ZNF687: variants seen among roughly 807,000 people sequenced by gnomAD.
ZNF687 encodes the protein zinc finger protein 687.
ZNF687 carries 13 observed loss-of-function variants against 71.8 expected under a neutral mutation model. The observed-to-expected ratio is 0.18, with a 90% CI of 0.12 to 0.29. The LOEUF is 0.29. Among genes scored for constraint, ZNF687 ranks in the 10% least tolerant of loss-of-function variants. ZNF687 has a pLI of 1.00. For missense variants in ZNF687, 1,412 were observed against 1,625.6 expected (o/e 0.87, Z 2.26); for synonymous variants, 673 against 641.6 (o/e 1.05, Z -0.74).
chr1:151,289,944 G>A lies in ZNF687; in HGVS notation c.2901G>A (p.Leu967=), dbSNP rs199686732. ...GGCCTGGAGGCTGGACCTGTGGCCTGTGTCACTCCTGGTTCCCTGAGCGTG... is the reference window on the plus strand; with the variant it reads ...GGCCTGGAGGCTGGACCTGTGGCCTATGTCACTCCTGGTTCCCTGAGCGTG... ...GGGPGGWTCG[L]CHSWFPERDE... The change falls in exon 6 of 9, where the codon CTG becomes CTA. Residue 967 remains leucine, a synonymous_variant. Coordinates refer to ENST00000336715, the MANE Select transcript of ZNF687 (RefSeq NM_020832.3). The A allele has an allele frequency of 1.3e-6, 2 of 1,566,424 alleles. No homozygotes were observed. The highest frequency in any genetic ancestry group is 2.3e-5 in the South Asian group (2 of 87,208).
Position 151,286,516 on chromosome 1 carries a change from A to G in ZNF687, c.225A>G (p.Pro75=), listed in dbSNP as rs751129170. Residue 75 remains proline, a synonymous_variant, in exon 2 of 9, where the codon CCA becomes CCG. Transcript: ENST00000336715. ...CCCAGGCCTCTGACCATGGCCTGCC[A>G]CCGCCAGACATTTCTGTAGTCAGTG... ...VPAQASDHGL[P]PPDISVVSVI... 60 of 1,614,042 alleles carry G rather than the reference A, an allele frequency of 3.7e-5. No individual in the cohort carries two copies. In the Admixed American group the frequency reaches 9.7e-4, roughly 26 times the overall value.
Position 151,289,823 on chromosome 1 carries a change from A to C in ZNF687, c.2780A>C (p.Glu927Ala). 6.4e-7 allele frequency: 1 copy of C among 1,569,006 alleles called. No homozygotes were observed. The highest frequency in any genetic ancestry group is 2.4e-5 in the East Asian group (1 of 42,376). ...PATEESSSSS[E>A]EEEVPSSPEP... ...ACTGAGGAGTCGTCTTCATCTTCAGAAGAGGAGGAAGTACCCAGCTCCCCT... is the reference window on the plus strand; with the variant it reads ...ACTGAGGAGTCGTCTTCATCTTCAGCAGAGGAGGAAGTACCCAGCTCCCCT... Residue 927 changes from glutamate (E) to alanine (A), a missense_variant, in exon 6 of 9, where the codon GAA becomes GCA. Coordinates refer to ENST00000336715, the MANE Select transcript of ZNF687 (RefSeq NM_020832.3).
rs1376472800 is a variant in ZNF687, at chr1:151,289,889, G to A, written c.2846G>A (p.Gly949Glu). Reference sequence around the variant, plus strand: ...GCCAAACGGCCTCGGCGGGAACTAGGGAGCAAAGGCCTCAAGGGTGGGGGT... The same window carrying A: ...GCCAAACGGCCTCGGCGGGAACTAGAGAGCAAAGGCCTCAAGGGTGGGGGT... ...RPAKRPRREL[G>E]SKGLKGGGGG... Residue 949 changes from glycine to glutamate, a missense_variant, in exon 6 of 9, where the codon GGG (glycine) becomes GAG (glutamate). This residue lies in a region of ZNF687 where 135 missense variants were observed against 104.1 expected (regional missense o/e 1.30). Transcript: ENST00000336715. 1 of 1,561,630 alleles carries A rather than the reference G, an allele frequency of 6.4e-7. No individual in the cohort carries two copies.
In ZNF687 at chr1:151,290,503, G is replaced by A; in HGVS notation, c.3149G>A (p.Gly1050Asp). The A allele has an allele frequency of 1.2e-6, 2 of 1,613,930 alleles. No individual in the cohort carries two copies. The highest frequency in any genetic ancestry group is 1.7e-6 in the Non-Finnish European group (2 of 1,179,980). ...ILEKHVQVRH[G>D]LQLGAQSPGR... Reference sequence around the variant, plus strand: ...GAGAAACATGTCCAGGTCCGGCACGGCTTGCAGCTTGGGGCCCAGTCCCCT... The same window carrying A: ...GAGAAACATGTCCAGGTCCGGCACGACTTGCAGCTTGGGGCCCAGTCCCCT... The change falls in exon 8 of 9, where the codon GGC becomes GAC. Residue 1050 changes from glycine (G) to aspartate (D), a missense_variant. This residue lies in a region of ZNF687 where 284 missense variants were observed against 359.2 expected (regional missense o/e 0.79). Coordinates refer to ENST00000336715, the MANE Select transcript of ZNF687 (RefSeq NM_020832.3).
Position 151,286,449 on chromosome 1 carries a change from A to G in ZNF687, c.158A>G (p.Asp53Gly). ...CCAGGTGTAGGAAGTGAATCTGAAG[A>G]CACAGCAGCAGCCTCTGCTGGGGAT... ...PEPGVGSESE[D>G]TAAASAGDGP... The change falls in exon 2 of 9, where the codon GAC becomes GGC. Residue 53 changes from aspartate to glycine, a missense_variant. Physicochemically the swap from Asp to Gly is moderately conservative, Grantham distance 94. Around this residue, in one of 8 missense-constraint regions of ZNF687, gnomAD observed 490 missense variants for 489.9 expected, o/e 1.00. Transcript: ENST00000336715. 1 of 1,613,752 alleles carries G rather than the reference A, an allele frequency of 6.2e-7. No homozygotes were observed. Among genetic ancestry groups the G allele is most frequent in the Non-Finnish European group, 8.5e-7 (1 of 1,179,794 alleles).
Position 151,287,715 on chromosome 1 carries a change from C to T in ZNF687, c.1424C>T (p.Pro475Leu). Residue 475 changes from proline to leucine, a missense_variant, in exon 2 of 9, where the codon CCT becomes CTT. By Grantham distance (98) the Pro-to-Leu change is moderately conservative. This residue lies in a region of ZNF687 where 133 missense variants were observed against 155.1 expected (regional missense o/e 0.86). Transcript: ENST00000336715. This position sits in a 1 kb window ranked among gnomAD's most constrained non-coding sequence, Gnocchi z 5.0. Reference sequence around the variant, plus strand: ...GGTGCCTCGGTGGTGATGGTGCAACCTTCAAAGACAGCTACTGGGCCAAGT... The same window carrying T: ...GGTGCCTCGGTGGTGATGGTGCAACTTTCAAAGACAGCTACTGGGCCAAGT... ...VNGASVVMVQPSKTATGPSTG... is the reference protein window; with the variant it reads ...VNGASVVMVQLSKTATGPSTG... The T allele has an allele frequency of 3.1e-6, 5 of 1,613,658 alleles. No homozygotes were observed. Among genetic ancestry groups the T allele is most frequent in the Non-Finnish European group, 4.2e-6 (5 of 1,179,826 alleles).
upstream of ZNF687, chr1:151,282,183 A>G: frequency 8.9e-7 from 1 of 1,120,448 alleles, no homozygotes; most frequent in Non-Finnish European, 1.1e-6. Context: ...CGGGGCTGGA[A>G]GGGGCACAGG....
rs146975201 is a variant in ZNF687 at position 151,287,218 on chromosome 1, C to T, written c.927C>T (p.Ala309=). ...GTCCCCAGAGTCCCTCTAGTGGGGC[C>T]GAGGCTGCAGATGAGGACAGCAATG... ...PGSPQSPSSG[A]EAADEDSNDS... The change falls in exon 2 of 9, where the codon GCC becomes GCT. Residue 309 remains alanine (A), a synonymous_variant. Coordinates refer to ENST00000336715, the MANE Select transcript of ZNF687 (RefSeq NM_020832.3). The surrounding 1 kb of genome is among the most constrained non-coding windows in gnomAD (Gnocchi z 5.0). The T allele has an allele frequency of 4.7e-5, 76 of 1,614,024 alleles. No homozygotes were observed. The African/African-American group carries it at 5.5e-4, about 12-fold the overall frequency.
rs143281246 is a variant in ZNF687 at position 151,288,262 on chromosome 1, C to T, written c.1971C>T (p.Leu657=). The T allele has an allele frequency of 1.2e-6, 2 of 1,613,622 alleles. No individual in the cohort carries two copies. The highest frequency in any genetic ancestry group is 1.7e-6 in the Non-Finnish European group (2 of 1,180,014). ...CTGCTGAGGCCCCTGTCCTGCCGCT[C>T]TCCACAGAGCCGCCTGCTGCCCCGG... ...TVAAEAPVLP[L]STEPPAAPAT... Residue 657 remains leucine, a synonymous_variant, in exon 2 of 9, where the codon CTC becomes CTT. Coordinates refer to ENST00000336715, the MANE Select transcript of ZNF687 (RefSeq NM_020832.3).
intron 4 of ZNF687, 33 bp from the exon 5 acceptor site, chr1:151,289,344 AC>A: frequency 6.2e-7 from 1 of 1,613,770 alleles, no homozygotes; most frequent in Non-Finnish European, 8.5e-7. Context: ...GCTGCACCCA[AC>A]CCTGCCTGAT....
chr1:151,283,103 C>T (rs929494200), intron 1 of ZNF687: 2 of 985,476 alleles, frequency 2.0e-6, no homozygotes, highest in African/African-American at 3.5e-5. Flanking sequence ...GCTTCGCACG[C>T]CGGTGCGAGT....
chr1:151,287,940 G>A lies in ZNF687; in HGVS notation c.1649G>A (p.Arg550Gln), dbSNP rs1489898768. The change falls in exon 2 of 9, where the codon CGG becomes CAG. Residue 550 changes from arginine (R) to glutamine (Q), a missense_variant. Arg to Gln is a conservative substitution (Grantham distance 43, BLOSUM62 1). Around this residue, in one of 8 missense-constraint regions of ZNF687, gnomAD observed 50 missense variants for 106.6 expected, o/e 0.47. Coordinates refer to ENST00000336715, the MANE Select transcript of ZNF687 (RefSeq NM_020832.3). The surrounding 1 kb of genome is among the most constrained non-coding windows in gnomAD (Gnocchi z 5.0). Reference sequence around the variant, plus strand: ...TTCTCATTGGAGAAGAGCCTGGCACGGCACTATGACCGTCGGAGCATGCGC... The same window carrying A: ...TTCTCATTGGAGAAGAGCCTGGCACAGCACTATGACCGTCGGAGCATGCGC... ...DAFSLEKSLA[R>Q]HYDRRSMRIE... is the part of the protein sequence containing the mutation. 8 of 1,613,802 alleles carry A rather than the reference G, an allele frequency of 5.0e-6. No individual in the cohort carries two copies. Among genetic ancestry groups the A allele is most frequent in the African/African-American group, 1.3e-5 (1 of 75,016 alleles).
intron 1 of ZNF687, chr1:151,283,148 G>A: frequency 1.0e-6 from 1 of 985,446 alleles, no homozygotes; most frequent in Non-Finnish European, 1.2e-6. Flanking sequence ...TTCCCTTGTA[G>A]TTTCTCATGT....
Position 151,290,731 on chromosome 1 carries a change from G to C in ZNF687, c.3236G>C (p.Arg1079Pro), listed in dbSNP as rs776454096. 3 of 1,604,100 alleles carry C rather than the reference G, an allele frequency of 1.9e-6. No homozygotes were observed. Among genetic ancestry groups the C allele is most frequent in the Non-Finnish European group, 2.6e-6 (3 of 1,174,322 alleles). The change falls in exon 9 of 9, where the codon CGC (arginine) becomes CCC (proline). Residue 1079 changes from arginine (R) to proline (P), a missense_variant. This residue lies in a region of ZNF687 where 284 missense variants were observed against 359.2 expected (regional missense o/e 0.79). Transcript: ENST00000336715. ...TTTCTTCAGGGGCCAGGTCGGAAACGCCGCCAGTCTTCTGACTCTTGCAGT... is the reference window on the plus strand; with the variant it reads ...TTTCTTCAGGGGCCAGGTCGGAAACCCCGCCAGTCTTCTGACTCTTGCAGT... ...SARAQGPGRK[R>P]RQSSDSCSEE...
intron 7 of ZNF687, 74 bp from the exon 8 acceptor site, chr1:151,290,358 G>A (rs1694172001): frequency 1.9e-6 from 3 of 1,612,118 alleles, no homozygotes; most frequent in Non-Finnish European, 2.5e-6. Context: ...TGCTCTGGCA[G>A]CCCCCTCCTC....
At position 151,290,964 on chromosome 1, in the gene ZNF687, A is replaced by G; in HGVS notation, c.3469A>G (p.Ser1157Gly). 1 of 1,613,920 alleles carries G rather than the reference A, an allele frequency of 6.2e-7. No homozygotes were observed. The highest frequency in any genetic ancestry group is 1.1e-5 in the South Asian group (1 of 91,084). ...PGSLSRHRFI[S>G]HKKRRGVGKA... ...CTCCCTGAGCCGACACCGTTTCATC[A>G]GCCACAAGAAGAGACGGGGTGTGGG... The change falls in exon 9 of 9, where the codon AGC becomes GGC. Residue 1157 changes from serine (S) to glycine (G), a missense_variant. Around this residue, in one of 8 missense-constraint regions of ZNF687, gnomAD observed 284 missense variants for 359.2 expected, o/e 0.79. Transcript: ENST00000336715.
rs779731996 is a variant in ZNF687 at position 151,290,199 on chromosome 1, T to G, written c.3042T>G (p.Val1014=). 6.2e-6 allele frequency: 10 copies of G among 1,613,932 alleles called. No homozygotes were observed. The African/African-American group carries it at 1.1e-4, about 17-fold the overall frequency. Residue 1014 remains valine, a synonymous_variant, in exon 7 of 9, where the codon GTT becomes GTG. Coordinates refer to ENST00000336715, the MANE Select transcript of ZNF687 (RefSeq NM_020832.3). The part of the protein sequence containing the change: ...SAPSLRRHVR[V]NHEGIKRVYP... Reference sequence around the variant, plus strand: ...CCAGCCTGAGGCGCCATGTCAGAGTTAATCACGAGGGCATCAAGCGAGTTT... The same window carrying G: ...CCAGCCTGAGGCGCCATGTCAGAGTGAATCACGAGGGCATCAAGCGAGTTT...
At chr1:151,288,844 G>C in intron 3 of ZNF687, 138 bp downstream of exon 3, 1 of 1,158,058 alleles carries the variant, frequency 8.6e-7, no homozygotes, top group Non-Finnish European at 1.2e-6. Flanking sequence ...CCCTGAGATA[G>C]TACGTCCTGC....
chr1:151,286,243 C>G, intron 1 of ZNF687, 32 bp from the exon 2 acceptor site: 1 of 1,495,068 alleles, frequency 6.7e-7, no homozygotes, highest in Non-Finnish European at 9.0e-7. Context: ...CTAGACATCT[C>G]AGTTTCTCCT....
Sources: allele counts gnomAD v4.1 joint callset, GRCh38; gene constraint gnomAD v4.1.1; regional missense constraint gnomAD v4.1.1; non-coding constraint Gnocchi (gnomAD v3.1); transcripts MANE v1.5; gene names NCBI Gene and HGNC (gene_info 2026-07-23, HGNC 2026-07-21).